PIK3R5: variants seen among roughly 807,000 people sequenced by gnomAD.
PIK3R5 encodes the protein phosphoinositide-3-kinase regulatory subunit 5.
PIK3R5 carries 32 observed loss-of-function variants against 94.9 expected under a neutral mutation model. The ratio of observed to expected loss-of-function variants is 0.34; its 90% CI spans 0.25 to 0.45. The LOEUF is 0.45. Ranked by LOEUF, PIK3R5 falls within the 20% of genes least tolerant of loss-of-function variation. The pLI is 1.00. For missense variants in PIK3R5, 853 were observed against 1,144.6 expected, an observed-to-expected ratio of 0.75 and a Z score of 3.68; for synonymous variants, 443 against 479.4, an observed-to-expected ratio of 0.92 and a Z score of 0.99.
chr17:8,947,048 T>C (rs370823032), intron 1 of PIK3R5, among the ~76,000 whole-genome samples: 8 of 151,856 alleles, frequency 5.3e-5, no homozygotes, highest in Non-Finnish European at 1.2e-4. Context: ...AATGAATGAA[T>C]TGAAAGATGA....
chr17:8,881,000 G>A lies in PIK3R5; in HGVS notation c.2400C>T (p.Ile800=). The A allele has an allele frequency of 6.2e-7, 1 of 1,613,956 alleles. No individual in the cohort carries two copies. Among genetic ancestry groups the A allele is most frequent in the East Asian group, 2.2e-5 (1 of 44,876 alleles). The change falls in exon 18 of 19, where the codon ATC becomes ATT. Residue 800 remains isoleucine (I), a synonymous_variant. Coordinates refer to ENST00000447110, the MANE Select transcript of PIK3R5 (RefSeq NM_001142633.3). ...KGFNQISTSQ[I]KVDKVQIIGS... is the part of the protein sequence containing the mutation. ...CGATGATCTGCACCTTGTCCACTTT[G>A]ATCTGCGATGTGCTAATCTGGAAGG...
chr17:8,940,724 C>A (rs1197450908), intron 1 of PIK3R5, among the ~76,000 whole-genome samples: 1 of 152,102 alleles, frequency 6.6e-6, no homozygotes, highest in African/African-American at 2.4e-5. Flanking sequence ...TCATGCCTGG[C>A]TAATTTTTGT....
In PIK3R5 at chr17:8,888,036, AATAAT is replaced by A; in HGVS notation, c.1616+130_1616+134del. On this transcript the variant is annotated intron_variant, in intron 10 of 18. Transcript: ENST00000447110. The surrounding 1 kb of genome is among the most constrained non-coding windows in gnomAD (Gnocchi z 7.8). ...TAATAATAATAATAATAATAATAAT[AATAAT>A]AATAATAAAATAAAAATAAATAAGG... The A allele has an allele frequency of 8.4e-6, 2 of 236,990 alleles. No individual in the cohort carries two copies. The highest frequency in any genetic ancestry group is 4.7e-5 in the African/African-American group (2 of 42,404). The allele number at this position is 236,990 out of a possible 1,614,324, so 14.7% of individuals were successfully genotyped here.
In PIK3R5 at chr17:8,881,793, T is replaced by A. The variant is rs1392990275; in HGVS notation, c.2294A>T (p.Glu765Val). 6.2e-7 allele frequency: 1 copy of A among 1,613,940 alleles called. No individual in the cohort carries two copies. Among genetic ancestry groups the A allele is most frequent in the Non-Finnish European group, 8.5e-7 (1 of 1,179,898 alleles). The change falls in exon 16 of 19, where the codon GAG becomes GTG. Residue 765 changes from glutamate (E) to valine (V), a missense_variant. By Grantham distance (121) the Glu-to-Val change is moderately radical. Transcript: ENST00000447110. The surrounding 1 kb of genome is among the most constrained non-coding windows in gnomAD (Gnocchi z 4.8). ...ACACTGACCACCCCACTCACCCAGCTCCTCCTGCTTCCGGCAGGCCTTGTT... is the reference window on the plus strand; with the variant it reads ...ACACTGACCACCCCACTCACCCAGCACCTCCTGCTTCCGGCAGGCCTTGTT... ...NLNKACRKQE[E>V]LDSSMEALTL... is the part of the protein sequence containing the mutation.
chr17:8,885,596 C>A (rs1444003594), intron 14 of PIK3R5, among the ~76,000 whole-genome samples: 1 of 128,378 alleles, frequency 7.8e-6, no homozygotes, highest in Admixed American at 7.7e-5. Context: ...CTCCCCATGG[C>A]CCTGCCTCCT....
In PIK3R5 at chr17:8,911,453, C is replaced by T; in HGVS notation, c.42G>A (p.Gln14=). The T allele has an allele frequency of 6.3e-7, 1 of 1,599,992 alleles. No individual in the cohort carries two copies. Among genetic ancestry groups the T allele is most frequent in the Non-Finnish European group, 8.5e-7 (1 of 1,179,916 alleles). ...GATTCTEDRI[Q]HALERCLHGL... ...CATGCAGGCAGCGTTCCAGGGCATG[C>T]TGGATGCGGTCCTCCGTGCATGTCG... is the stretch of plus-strand genomic sequence containing the variant. The change falls in exon 2 of 19, where the codon CAG becomes CAA. Residue 14 remains glutamine (Q), a synonymous_variant. Coordinates refer to ENST00000447110, the MANE Select transcript of PIK3R5 (RefSeq NM_001142633.3). This position sits in a 1 kb window ranked among gnomAD's most constrained non-coding sequence, Gnocchi z 5.3.
Position 8,889,326 on chromosome 17 carries a change from T to C in PIK3R5, c.812-104A>G. 1 of 815,562 alleles carries C rather than the reference T, an allele frequency of 1.2e-6. No individual in the cohort carries two copies. The highest frequency in any genetic ancestry group is 2.0e-6 in the Non-Finnish European group (1 of 509,910). The allele number at this position is 815,562 out of a possible 1,614,324, so 50.5% of individuals were successfully genotyped here. A position where few individuals can be genotyped will look rare whatever the true frequency, so the allele number is the denominator to read the frequency against. ...AGAAGAGACCAGAGATGGGACAGGATCGGCACAAGGATATGTAGCTGGATA... is the reference window on the plus strand; with the variant it reads ...AGAAGAGACCAGAGATGGGACAGGACCGGCACAAGGATATGTAGCTGGATA... On this transcript the variant is annotated intron_variant, in intron 8 of 18. Coordinates refer to ENST00000447110, the MANE Select transcript of PIK3R5 (RefSeq NM_001142633.3). The surrounding 1 kb of genome is among the most constrained non-coding windows in gnomAD (Gnocchi z 4.1).
chr17:8,895,348 G>A (rs139850992), intron 5 of PIK3R5, among the ~76,000 whole-genome samples: 62 of 151,936 alleles, frequency 4.1e-4, no homozygotes, highest in Non-Finnish European at 7.1e-4. Flanking sequence ...TTTCTTCACC[G>A]CCACTTCTGC....
At chr17:8,944,045 C>T (rs1248367857) in intron 1 of PIK3R5, among the ~76,000 whole-genome samples, 2 of 152,112 alleles carry the variant, frequency 1.3e-5, no homozygotes, top group East Asian at 3.9e-4. Flanking sequence ...CTCTTCCCAC[C>T]CTCTGCTCTC....
intron 1 of PIK3R5, among the ~76,000 whole-genome samples, chr17:8,965,190 C>T (rs1346823997): frequency 6.6e-6 from 1 of 152,232 alleles, no homozygotes; most frequent in Non-Finnish European, 1.5e-5. Context: ...TCCATGACTC[C>T]CAGGTTCTGA....
At chr17:8,897,868 A>G (rs1483241683) in intron 5 of PIK3R5, among the ~76,000 whole-genome samples, 1 of 152,210 alleles carries the variant, frequency 6.6e-6, no homozygotes, top group Non-Finnish European at 1.5e-5. Flanking sequence ...AGGCTGGTCC[A>G]GGATGTTCAT....
Position 8,881,688 on chromosome 17 carries a change from A to G in PIK3R5, c.2324T>C (p.Leu775Pro). ...ELDSSMEALT[L>P]NLTEVVKRQN... ...CCTTTTCACCACTTCTGTCAGGTTT[A>G]GCGTCAGGGCCTCCATGCTGGAATC... Residue 775 changes from leucine (L) to proline (P), a missense_variant, in exon 17 of 19, where the codon CTA becomes CCA. Leu to Pro is a moderately conservative substitution (Grantham distance 98). Transcript: ENST00000447110. The surrounding 1 kb of genome is among the most constrained non-coding windows in gnomAD (Gnocchi z 4.8). 6.2e-7 allele frequency: 1 copy of G among 1,613,888 alleles called. No individual in the cohort carries two copies. Among genetic ancestry groups the G allele is most frequent in the Non-Finnish European group, 8.5e-7 (1 of 1,179,916 alleles).
chr17:8,888,569 A>G lies in PIK3R5; in HGVS notation c.1218T>C (p.Arg406=). 6.2e-7 allele frequency: 1 copy of G among 1,612,240 alleles called. No homozygotes were observed. Among genetic ancestry groups the G allele is most frequent in the Non-Finnish European group, 8.5e-7 (1 of 1,179,750 alleles). ...GGTGGCCTCGGCGTTCCTGGCTGCCACGCCTCCAAGGCCACTCGGAGGAGC... is the reference window on the plus strand; with the variant it reads ...GGTGGCCTCGGCGTTCCTGGCTGCCGCGCCTCCAAGGCCACTCGGAGGAGC... ...EESSSEWPWR[R]GSQERRGHRR... The change falls in exon 10 of 19, where the codon CGT becomes CGC. Residue 406 remains arginine (R), a synonymous_variant. Coordinates refer to ENST00000447110, the MANE Select transcript of PIK3R5 (RefSeq NM_001142633.3). This position sits in a 1 kb window ranked among gnomAD's most constrained non-coding sequence, Gnocchi z 7.8.
At chr17:8,937,618 G>A (rs763825200) in intron 1 of PIK3R5, among the ~76,000 whole-genome samples, 18 of 152,014 alleles carry the variant, frequency 1.2e-4, no homozygotes, top group East Asian at 3.9e-4. Context: ...TTCGTGTATC[G>A]TTGGATTCAA....
At position 8,888,261 on chromosome 17, in the gene PIK3R5, T is replaced by C. The variant is rs773126902; in HGVS notation, c.1526A>G (p.Asp509Gly). 3.7e-6 allele frequency: 6 copies of C among 1,613,306 alleles called. No homozygotes were observed. The East Asian group carries it at 6.7e-5, about 18-fold the overall frequency. The change falls in exon 10 of 19, where the codon GAT becomes GGT. Residue 509 changes from aspartate (D) to glycine (G), a missense_variant. Physicochemically the swap from Asp to Gly is moderately conservative, Grantham distance 94. Coordinates refer to ENST00000447110, the MANE Select transcript of PIK3R5 (RefSeq NM_001142633.3). This position sits in a 1 kb window ranked among gnomAD's most constrained non-coding sequence, Gnocchi z 7.8. ...TAGCGTGGAAGCCTTGGGATCCTCATCTCCACTCAGGAAGGGGCGGCGGCG... is the reference window on the plus strand; with the variant it reads ...TAGCGTGGAAGCCTTGGGATCCTCACCTCCACTCAGGAAGGGGCGGCGGCG... ...PQRRRPFLSG[D>G]EDPKASTLRV...
intron 1 of PIK3R5, among the ~76,000 whole-genome samples, chr17:8,944,291 G>A (rs1036478438): frequency 6.6e-6 from 1 of 152,126 alleles, no homozygotes; most frequent in Admixed American, 6.5e-5. Context: ...ATATTCCATG[G>A]TGTATATGTA....
At chr17:8,933,892 C>G (rs2091027735) in intron 1 of PIK3R5, among the ~76,000 whole-genome samples, 1 of 151,998 alleles carries the variant, frequency 6.6e-6, no homozygotes, top group Admixed American at 6.5e-5. Flanking sequence ...GCATAAAAAG[C>G]CTTTGAAAAA....
intron 5 of PIK3R5, among the ~76,000 whole-genome samples, chr17:8,899,763 G>A (rs965963259): frequency 1.3e-5 from 2 of 152,168 alleles, no homozygotes. Flanking sequence ...GGAAAGGCTG[G>A]GCGCGGTGGC....
rs1597378428 is a variant in PIK3R5 at position 8,890,728 on chromosome 17, A to G, written c.657+10T>C. 6.2e-7 allele frequency: 1 copy of G among 1,601,044 alleles called. No homozygotes were observed. Among genetic ancestry groups the G allele is most frequent in the South Asian group, 1.1e-5 (1 of 89,162 alleles). ...GTGCTCCACCAGAGCCCCAGGCCCC[A>G]GGTACATACCTGTAGCCTGCAGTGC... On this transcript the variant is annotated intron_variant, in intron 7 of 18. Transcript: ENST00000447110. This position sits in a 1 kb window ranked among gnomAD's most constrained non-coding sequence, Gnocchi z 6.1.
Sources: allele counts gnomAD v4.1 joint callset (sites outside exome capture counted in the v4.1 genomes callset), GRCh38; gene constraint gnomAD v4.1.1; non-coding constraint Gnocchi (gnomAD v3.1); transcripts MANE v1.5; gene names NCBI Gene and HGNC (gene_info 2026-07-23, HGNC 2026-07-21).